Variants in CHIC2 observed in about 807,000 individuals in gnomAD.
CHIC2 encodes cysteine-rich hydrophobic domain-containing protein 2.
In CHIC2, 14 loss-of-function variants were observed where a neutral mutation model predicts 25.9. The ratio of observed to expected loss-of-function variants is 0.54; its 90% CI spans 0.36 to 0.85. The LOEUF (loss-of-function observed/expected upper bound fraction) is 0.85. CHIC2 is among the 40% of genes least tolerant of loss of function. The probability of loss-of-function intolerance (pLI) is 0.01; values close to 1 mark genes in which losing one functional copy is unlikely to be tolerated. For missense variants in CHIC2, 146 were observed against 202.0 expected (o/e 0.72, Z 1.68); for synonymous variants, 70 against 72.0 (o/e 0.97, Z 0.14).
chr4:54,036,306 A>T (rs1030032817), intron 3 of CHIC2, among the ~76,000 whole-genome samples: 1 of 152,320 alleles, frequency 6.6e-6, no homozygotes, highest in African/African-American at 2.4e-5. Flanking sequence ...CATTGCTATA[A>T]AGAAATTCCT....
chr4:54,056,137 TTTAA>T (rs1717166798), intron 1 of CHIC2, among the ~76,000 whole-genome samples: 2 of 152,170 alleles, frequency 1.3e-5, no homozygotes, highest in African/African-American at 4.8e-5. Context: ...TTTATCAATT[TTTAA>T]TTATTAAGGT....
chr4:54,058,009 C>T (rs1717224920), intron 1 of CHIC2, among the ~76,000 whole-genome samples: 1 of 152,132 alleles, frequency 6.6e-6, no homozygotes, highest in Non-Finnish European at 1.5e-5. Context: ...GGTTCTCAAA[C>T]TCCAACATAC....
the CHIC2 span, among the ~76,000 whole-genome samples, chr4:54,084,194 T>A: frequency 6.6e-6 from 1 of 152,184 alleles, no homozygotes; most frequent in Non-Finnish European, 1.5e-5. Context: ...GGTCTAGTCA[T>A]CTTTGTAGCC....
chr4:54,045,943 T>C (rs1347949609), intron 3 of CHIC2, among the ~76,000 whole-genome samples: 1 of 152,148 alleles, frequency 6.6e-6, no homozygotes, highest in Non-Finnish European at 1.5e-5. Flanking sequence ...ATAAGCAACT[T>C]CAGCAAAGTC....
rs1312836790 is a variant in CHIC2 at position 54,064,135 on chromosome 4, C to A, written c.119+47G>T. On this transcript the variant is annotated intron_variant, in intron 1 of 5. Coordinates refer to ENST00000263921, the MANE Select transcript of CHIC2 (RefSeq NM_012110.4). This position sits in a 1 kb window ranked among gnomAD's most constrained non-coding sequence, Gnocchi z 4.2. ...ACGGGGCTCCCGTGGAGTAACGGGG[C>A]CCACCCCAGCCCGCACCTCCCGCCC... The A allele has an allele frequency of 1.3e-6, 2 of 1,523,430 alleles. No homozygotes were observed. The highest frequency in any genetic ancestry group is 1.8e-6 in the Non-Finnish European group (2 of 1,115,544). The allele number at this position is 1,523,430 out of a possible 1,614,324, so 94.4% of individuals were successfully genotyped here. A position where few individuals can be genotyped will look rare whatever the true frequency, so the allele number is the denominator to read the frequency against.
intron 1 of CHIC2, among the ~76,000 whole-genome samples, chr4:54,050,672 A>G (rs887890138): frequency 1.3e-5 from 2 of 152,112 alleles, no homozygotes; most frequent in African/African-American, 4.8e-5. Flanking sequence ...CCACTGTGTT[A>G]TAACTGCCTA....
upstream of CHIC2, among the ~76,000 whole-genome samples, chr4:54,068,286 GC>G (rs1171766034): frequency 1.3e-5 from 2 of 152,212 alleles, no homozygotes; most frequent in Non-Finnish European, 2.9e-5. Context: ...AAATATTAGG[GC>G]CTTTGGGAGG....
At chr4:54,077,795 C>T in the CHIC2 span, among the ~76,000 whole-genome samples, 41 of 152,316 alleles carry the variant, frequency 2.7e-4, no homozygotes, top group African/African-American at 9.9e-4. Context: ...TCCTGCCACC[C>T]GGCTGCCAAC....
chr4:54,044,912 AAAG>A (rs1716731885), intron 3 of CHIC2, among the ~76,000 whole-genome samples: 1 of 149,046 alleles, frequency 6.7e-6, no homozygotes, highest in African/African-American at 2.6e-5. Flanking sequence ...CAAGACTAAT[AAAG>A]AAGAAAAGAG....
At chr4:54,065,766 C>G (rs1280601364), upstream of CHIC2, among the ~76,000 whole-genome samples, 10 of 152,166 alleles carry the variant, frequency 6.6e-5, no homozygotes, top group Non-Finnish European at 1.5e-4. Flanking sequence ...GTTCATGTCA[C>G]AGTAGTCGGC....
intron 3 of CHIC2, among the ~76,000 whole-genome samples, chr4:54,021,158 T>C (rs1301438452): frequency 1.3e-5 from 2 of 152,172 alleles, no homozygotes; most frequent in South Asian, 2.1e-4. Context: ...ATGCCTTATT[T>C]TCTTCTGCAA....
chr4:54,085,957 A>G, the CHIC2 span, among the ~76,000 whole-genome samples: 1 of 152,080 alleles, frequency 6.6e-6, no homozygotes, highest in Non-Finnish European at 1.5e-5. Flanking sequence ...TAAAAAAAAA[A>G]CAAAAAGTCC....
upstream of CHIC2, among the ~76,000 whole-genome samples, chr4:54,065,593 A>G (rs1438922755): frequency 1.3e-5 from 2 of 152,252 alleles, no homozygotes; most frequent in Admixed American, 1.3e-4. Context: ...GCCTAGTAAC[A>G]GTTGAACGGT....
At chr4:54,088,540 C>T in the CHIC2 span, among the ~76,000 whole-genome samples, 1 of 152,038 alleles carries the variant, frequency 6.6e-6, no homozygotes, top group Non-Finnish European at 1.5e-5. Context: ...GAGTTCTCAA[C>T]AGAGGGGAAG....
intron 3 of CHIC2, among the ~76,000 whole-genome samples, chr4:54,039,314 A>G (rs1036179313): frequency 6.6e-6 from 1 of 152,232 alleles, no homozygotes; most frequent in Non-Finnish European, 1.5e-5. Context: ...CTGCAAATAT[A>G]TATTAGCACG....
At chr4:54,014,330 C>T (rs1422779400) in intron 3 of CHIC2, among the ~76,000 whole-genome samples, 2 of 151,988 alleles carry the variant, frequency 1.3e-5, no homozygotes, top group Non-Finnish European at 2.9e-5. Flanking sequence ...TTTTATCATA[C>T]GAATCTTTTT....
At chr4:54,084,742 C>T in the CHIC2 span, among the ~76,000 whole-genome samples, 1 of 151,906 alleles carries the variant, frequency 6.6e-6, no homozygotes, top group Non-Finnish European at 1.5e-5. Flanking sequence ...GAGTTTGAGA[C>T]CAACCTGGCC....
At chr4:54,090,789 G>A in the CHIC2 span, among the ~76,000 whole-genome samples, 2 of 152,092 alleles carry the variant, frequency 1.3e-5, no homozygotes, top group Non-Finnish European at 2.9e-5. Context: ...GCAGTGAAAG[G>A]GTGAGGTTGG....
chr4:54,010,077 C>CTTTA lies in CHIC2; in HGVS notation c.*17_*18insTAAA, dbSNP rs748931907. 2.3e-5 allele frequency: 36 copies of CTTTA among 1,569,346 alleles called. No individual in the cohort carries two copies. The African/African-American group carries it at 4.5e-4, about 19-fold the overall frequency. On this transcript the variant is annotated 3_prime_UTR_variant, in exon 6 of 6. Coordinates refer to ENST00000263921, the MANE Select transcript of CHIC2 (RefSeq NM_012110.4). ...GAAAGACAACATACTTGGAAAGTCTCTATAAATAAAGTAAATGCTAATCTG... is the reference window on the plus strand; with the variant it reads ...GAAAGACAACATACTTGGAAAGTCTCTTTATATAAATAAAGTAAATGCTAATCTG...
Sources: allele counts gnomAD v4.1 joint callset (sites outside exome capture counted in the v4.1 genomes callset), GRCh38; gene constraint gnomAD v4.1.1; non-coding constraint Gnocchi (gnomAD v3.1); transcripts MANE v1.5; gene names NCBI Gene and HGNC (gene_info 2026-07-23, HGNC 2026-07-21).